The following PAPOLG variants were observed in gnomAD, a reference collection of about 807,000 sequenced individuals.
The protein encoded by PAPOLG is PAP-gamma.
Under a neutral mutation model 99.0 loss-of-function variants are expected in PAPOLG, and 40 were observed. The observed-to-expected ratio is 0.40, with a 90% CI of 0.31 to 0.53. The LOEUF (loss-of-function observed/expected upper bound fraction) is 0.53. Among genes scored for constraint, PAPOLG ranks in the 20% least tolerant of loss-of-function variants. The pLI is 0.41. For synonymous variants in PAPOLG, 310 were observed against 299.3 expected (o/e 1.04, Z -0.37); for missense variants, 675 against 884.1 (o/e 0.76, Z 3.00).
chr2:60,786,691 G>T (rs953056051), intron 13 of PAPOLG, among the ~76,000 whole-genome samples: 3 of 151,954 alleles, frequency 2.0e-5, no homozygotes, highest in African/African-American at 7.3e-5. Context: ...ACCACACCCA[G>T]CTAATTTTTT....
At position 60,786,972 on chromosome 2, in the gene PAPOLG, C is replaced by T. The variant is rs1371577666; in HGVS notation, c.1192C>T (p.Arg398Cys). ...GGTTGGATTAGTAGAATCTAAAATC[C>T]GTGTACTTGTTGGAAACTTGGAACG... The part of the protein sequence containing the change: ...EWVGLVESKI[R>C]VLVGNLERNE... Residue 398 changes from arginine to cysteine, a missense_variant, in exon 14 of 22, where the codon CGT becomes TGT. Arg to Cys is a radical substitution (Grantham distance 180, BLOSUM62 -3). This residue lies in a region of PAPOLG where 413 missense variants were observed against 460.5 expected (regional missense o/e 0.90). Coordinates refer to ENST00000238714, the MANE Select transcript of PAPOLG (RefSeq NM_022894.4). 1 of 1,611,108 alleles carries T rather than the reference C, an allele frequency of 6.2e-7. No homozygotes were observed.
At chr2:60,787,824 G>A (rs1421925324) in intron 15 of PAPOLG, among the ~76,000 whole-genome samples, 1 of 152,202 alleles carries the variant, frequency 6.6e-6, no homozygotes, top group Non-Finnish European at 1.5e-5. Context: ...GGCAGAGGCG[G>A]GCAGATTACC....
chr2:60,774,711 C>T (rs1198707444), intron 7 of PAPOLG, among the ~76,000 whole-genome samples: 4 of 152,070 alleles, frequency 2.6e-5, no homozygotes, highest in African/African-American at 9.7e-5. Context: ...CAGATTGTAA[C>T]AGTAAATTAC....
intron 21 of PAPOLG, 88 bp downstream of exon 21, chr2:60,795,108 G>C: frequency 1.7e-6 from 2 of 1,168,198 alleles, no homozygotes; most frequent in Non-Finnish European, 2.5e-6. Flanking sequence ...TAAGAGCCTA[G>C]CACTGGGAAA....
intron 21 of PAPOLG, among the ~76,000 whole-genome samples, chr2:60,795,771 T>C (rs1262750337): frequency 6.6e-6 from 1 of 152,102 alleles, no homozygotes; most frequent in Non-Finnish European, 1.5e-5. Flanking sequence ...CAGGATGTAG[T>C]AGCTATTCTA....
chr2:60,792,041 T>A, intron 16 of PAPOLG, 88 bp from the exon 17 acceptor site: 1 of 1,468,548 alleles, frequency 6.8e-7, no homozygotes, highest in Non-Finnish European at 9.2e-7. Context: ...TCACAAGAGA[T>A]AATTTGCTTA....
At chr2:60,777,604 A>G (rs1157219969) in intron 8 of PAPOLG, among the ~76,000 whole-genome samples, 1 of 152,220 alleles carries the variant, frequency 6.6e-6, no homozygotes, top group Admixed American at 6.5e-5. Context: ...CAAGGGGCAT[A>G]GCTTTCGGAC....
chr2:60,756,840 T>C (rs1003483258), intron 1 of PAPOLG, among the ~76,000 whole-genome samples: 1 of 152,152 alleles, frequency 6.6e-6, no homozygotes, highest in Non-Finnish European at 1.5e-5. Flanking sequence ...TGCTCCTGTC[T>C]GCATTGGCGC....
Position 60,798,671 on chromosome 2 carries a change from G to C in PAPOLG, c.*1511G>C, listed in dbSNP as rs544051568. On this transcript the variant is annotated 3_prime_UTR_variant, in exon 22 of 22. Transcript: ENST00000238714. ...GGGGAAGACACCTCGTGTATTATAGGACTCACGGGATGCCATCTAGCAAGT... is the reference window on the plus strand; with the variant it reads ...GGGGAAGACACCTCGTGTATTATAGCACTCACGGGATGCCATCTAGCAAGT... The C allele has an allele frequency of 1.3e-5, 2 of 152,428 alleles. No homozygotes were observed. Among genetic ancestry groups the C allele is most frequent in the African/African-American group, 4.8e-5 (2 of 41,566 alleles). 9.4% of individuals were successfully genotyped at this position (152,428 alleles called of 1,614,324 possible).
At chr2:60,765,754 A>C (rs748903578) in intron 3 of PAPOLG, among the ~76,000 whole-genome samples, 1 of 152,202 alleles carries the variant, frequency 6.6e-6, no homozygotes, top group Non-Finnish European at 1.5e-5. Flanking sequence ...TCAAAATAGA[A>C]ATGTGAACTA....
rs1671547913 is a variant in PAPOLG at position 60,791,946 on chromosome 2, T to C, written c.1518+64T>C. 7.7e-6 allele frequency: 12 copies of C among 1,562,628 alleles called. No individual in the cohort carries two copies. In the South Asian group the frequency reaches 1.4e-4, roughly 18 times the overall value. The stretch of plus-strand genomic sequence containing the variant: ...CAGACAAATGATCTGGGACCAAATT[T>C]GCATTCTACAGCTCCCAAACCTATT... On this transcript the variant is annotated intron_variant, in intron 16 of 21. Transcript: ENST00000238714.
rs1447179010 is a variant in PAPOLG, at chr2:60,796,223, TTTTTTTTTTTTG to T, written c.2113-838_2113-827del. Reference sequence around the variant, plus strand: ...TTTTGCCTTCCTTTTTTTTTTTTTTTTTTTTTTTTTTGGACATGGAGGCTCGCTCTGTAGCCC... The same window carrying T: ...TTTTGCCTTCCTTTTTTTTTTTTTTTGACATGGAGGCTCGCTCTGTAGCCC... On this transcript the variant is annotated intron_variant, in intron 21 of 21. Coordinates refer to ENST00000238714, the MANE Select transcript of PAPOLG (RefSeq NM_022894.4). 3.9e-4 allele frequency among the ~76,000 whole-genome samples: 44 copies of T among 112,142 alleles called. 1 individual carries two copies. In the South Asian group the frequency reaches 0.011, roughly 28 times the overall value. The allele number at this position is 112,142 out of a possible 152,430, so 73.6% of individuals were successfully genotyped here.
At chr2:60,785,350 G>T (rs1372417579) in intron 13 of PAPOLG, among the ~76,000 whole-genome samples, 1 of 152,068 alleles carries the variant, frequency 6.6e-6, no homozygotes, top group Non-Finnish European at 1.5e-5. Flanking sequence ...TGTTAGCCAG[G>T]ATGGTCTCAA....
intron 17 of PAPOLG, 66 bp downstream of exon 17, chr2:60,792,355 T>G: frequency 7.2e-7 from 1 of 1,385,246 alleles, no homozygotes; most frequent in East Asian, 2.3e-5. Flanking sequence ...TAATGTGAAC[T>G]TTTCTATACC....
intron 7 of PAPOLG, among the ~76,000 whole-genome samples, chr2:60,774,482 C>T (rs1038271227): frequency 2.0e-5 from 3 of 152,028 alleles, no homozygotes; most frequent in Admixed American, 2.0e-4. Flanking sequence ...TCTCCTGCCT[C>T]AGCCCTTTGA....
chr2:60,794,260 T>C, intron 19 of PAPOLG, 69 bp downstream of exon 19: 1 of 1,429,890 alleles, frequency 7.0e-7, no homozygotes, highest in Non-Finnish European at 9.4e-7. Context: ...AGAAACAATT[T>C]TCCATAGCTG....
At chr2:60,776,237 T>A (rs1558694041) in intron 8 of PAPOLG, among the ~76,000 whole-genome samples, 1 of 151,912 alleles carries the variant, frequency 6.6e-6, no homozygotes, top group African/African-American at 2.4e-5. Context: ...TAGAAAGGAA[T>A]CTTTTTTTTT....
At chr2:60,794,588 C>G in intron 19 of PAPOLG, 122 bp from the exon 20 acceptor site, 2 of 787,534 alleles carry the variant, frequency 2.5e-6, no homozygotes, top group Non-Finnish European at 2.0e-6. Context: ...CTTCTCTTAC[C>G]AATCCATGTT....
chr2:60,772,753 A>C (rs1018900720), intron 7 of PAPOLG, among the ~76,000 whole-genome samples: 2 of 152,188 alleles, frequency 1.3e-5, no homozygotes, highest in African/African-American at 4.8e-5. Flanking sequence ...GTCTCAAAAA[A>C]GAAAGAAAAA....
Sources: allele counts gnomAD v4.1 joint callset (sites outside exome capture counted in the v4.1 genomes callset), GRCh38; gene constraint gnomAD v4.1.1; regional missense constraint gnomAD v4.1.1; transcripts MANE v1.5; gene names NCBI Gene and HGNC (gene_info 2026-07-23, HGNC 2026-07-21).